The following EPHA5 variants were observed in gnomAD, a reference collection of about 807,000 sequenced individuals.
The protein encoded by EPHA5 is EPH receptor A5, also known as ephrin type-A receptor 5.
A neutral mutation model predicts 105.0 loss-of-function variants in EPHA5; 60 were observed. The ratio of observed to expected loss-of-function variants is 0.57; its 90% CI spans 0.46 to 0.71. EPHA5 has a LOEUF of 0.71. Ranked by LOEUF, EPHA5 falls within the 30% of genes least tolerant of loss-of-function variation. The pLI is 0.00. For missense variants in EPHA5, 1,218 were observed against 1,274.7 expected, an observed-to-expected ratio of 0.96 and a Z score of 0.68; for synonymous variants, 513 against 449.1, an observed-to-expected ratio of 1.14 and a Z score of -1.80.
At chr4:65,625,253 C>T (rs574743325) in intron 2 of EPHA5, among the ~76,000 whole-genome samples, 54 of 151,614 alleles carry the variant, frequency 3.6e-4, no homozygotes, top group Non-Finnish European at 6.8e-4. Flanking sequence ...GAAGAGAACG[C>T]CAAGTGAAAA....
chr4:65,604,195 A>T lies in EPHA5; in HGVS notation c.247-1891T>A, dbSNP rs1015764669. On this transcript the variant is annotated intron_variant, in intron 2 of 16. Transcript: ENST00000613740. The stretch of plus-strand genomic sequence containing the variant: ...AAGTAAAAGCAAGCAGAATAACAGG[A>T]TCTTTCAAGATTATAAGCCAAGCAA... Among the ~76,000 whole-genome samples, 26 of 107,148 alleles carry T rather than the reference A, an allele frequency of 2.4e-4. No homozygotes were observed. The East Asian group carries it at 5.8e-3, about 24-fold the overall frequency. 70.3% of individuals were successfully genotyped at this position (107,148 alleles called of 152,430 possible). A position where few individuals can be genotyped will look rare whatever the true frequency, so the allele number is the denominator to read the frequency against.
chr4:65,617,287 T>A (rs1268657134), intron 2 of EPHA5, among the ~76,000 whole-genome samples: 1 of 152,072 alleles, frequency 6.6e-6, no homozygotes, highest in Non-Finnish European at 1.5e-5. Context: ...TATCCCCCAA[T>A]GGATTCATTC....
At chr4:65,393,237 C>T (rs1217828891) in intron 8 of EPHA5, among the ~76,000 whole-genome samples, 3 of 152,122 alleles carry the variant, frequency 2.0e-5, no homozygotes, top group Non-Finnish European at 4.4e-5. Context: ...ATGAAACTGA[C>T]CCTATTTTCA....
intron 5 of EPHA5, among the ~76,000 whole-genome samples, chr4:65,460,195 T>C (rs1727991583): frequency 1.3e-5 from 2 of 151,406 alleles, no homozygotes; most frequent in Non-Finnish European, 3.0e-5. Context: ...TATAGGAAAT[T>C]TAAATATATA....
intron 2 of EPHA5, among the ~76,000 whole-genome samples, chr4:65,608,111 G>A (rs1315054464): frequency 6.6e-6 from 1 of 152,148 alleles, no homozygotes; most frequent in Non-Finnish European, 1.5e-5. Context: ...ATGATGGGTT[G>A]ATGGGTGCAG....
intron 5 of EPHA5, among the ~76,000 whole-genome samples, chr4:65,486,887 G>A (rs1467661598): frequency 1.3e-5 from 2 of 152,200 alleles, no homozygotes; most frequent in African/African-American, 2.4e-5. Context: ...CTCCTGGGAG[G>A]TGACTGGATC....
chr4:65,473,963 T>A (rs1729539494), intron 5 of EPHA5, among the ~76,000 whole-genome samples: 1 of 146,554 alleles, frequency 6.8e-6, no homozygotes, highest in African/African-American at 2.5e-5. Context: ...GTATAAGAAA[T>A]GAATTCTTTT....
At chr4:65,571,154 AAGGAAGAAAC>A (rs1157007685) in intron 3 of EPHA5, among the ~76,000 whole-genome samples, 7 of 152,054 alleles carry the variant, frequency 4.6e-5, no homozygotes. Context: ...AGAAAATGAT[AAGGAAGAAAC>A]AGAAAGAAAT....
intron 3 of EPHA5, among the ~76,000 whole-genome samples, chr4:65,528,520 T>A (rs1416086818): frequency 6.6e-6 from 1 of 152,130 alleles, no homozygotes; most frequent in Non-Finnish European, 1.5e-5. Context: ...GAATTCAATG[T>A]GTACAGGCAC....
chr4:65,635,158 CAAA>C (rs376689852), intron 2 of EPHA5, among the ~76,000 whole-genome samples: 360 of 151,812 alleles, frequency 2.4e-3, no homozygotes, highest in African/African-American at 8.3e-3. Flanking sequence ...TTCTCAGTCT[CAAA>C]GAAATAACAG....
chr4:65,600,972 A>T (rs1463990036), intron 3 of EPHA5, among the ~76,000 whole-genome samples: 1 of 150,948 alleles, frequency 6.6e-6, no homozygotes, highest in Non-Finnish European at 1.5e-5. Flanking sequence ...AGAAAAAAAA[A>T]TCCCCCAGGG....
intron 3 of EPHA5, among the ~76,000 whole-genome samples, chr4:65,578,176 G>A (rs1179541358): frequency 2.0e-5 from 3 of 151,872 alleles, no homozygotes; most frequent in Non-Finnish European, 2.9e-5. Flanking sequence ...ATTATTTTCC[G>A]AGTTTCTCAT....
At chr4:65,422,772 T>C (rs916169046) in intron 5 of EPHA5, among the ~76,000 whole-genome samples, 11 of 152,066 alleles carry the variant, frequency 7.2e-5, no homozygotes, top group Non-Finnish European at 1.2e-4. Context: ...CTGATTGCCT[T>C]GTCTGTTTCA....
At chr4:65,562,885 G>T (rs774616201) in intron 3 of EPHA5, among the ~76,000 whole-genome samples, 1 of 151,944 alleles carries the variant, frequency 6.6e-6, no homozygotes, top group Non-Finnish European at 1.5e-5. Flanking sequence ...ACTGAGGCGG[G>T]AGGATTGCTA....
chr4:65,360,901 C>T (rs750287083), intron 11 of EPHA5, among the ~76,000 whole-genome samples: 7 of 151,446 alleles, frequency 4.6e-5, no homozygotes, highest in South Asian at 2.1e-4. Flanking sequence ...CTAGTTTCAA[C>T]GAGCTCATTG....
At chr4:65,576,727 G>C (rs1741094415) in intron 3 of EPHA5, among the ~76,000 whole-genome samples, 1 of 152,168 alleles carries the variant, frequency 6.6e-6, no homozygotes, top group African/African-American at 2.4e-5. Context: ...CACAGACTTT[G>C]TCATATTTTC....
intron 3 of EPHA5, among the ~76,000 whole-genome samples, chr4:65,561,773 T>C (rs1275257731): frequency 1.3e-5 from 2 of 152,110 alleles, no homozygotes; most frequent in South Asian, 2.1e-4. Flanking sequence ...TAGGGTGGAA[T>C]GAACCACAAG....
At chr4:65,631,438 A>G (rs924711961) in intron 2 of EPHA5, among the ~76,000 whole-genome samples, 2 of 152,300 alleles carry the variant, frequency 1.3e-5, no homozygotes, top group Middle Eastern at 3.4e-3. Context: ...TAACTAAAAT[A>G]TAGTTCAAAC....
chr4:65,477,935 A>C (rs1729987976), intron 5 of EPHA5, among the ~76,000 whole-genome samples: 2 of 152,164 alleles, frequency 1.3e-5, no homozygotes, highest in African/African-American at 4.8e-5. Context: ...AAATGAGGTG[A>C]GTCTCTGGCA....
Sources: gnomAD v4.1 joint callset for allele counts (sites outside exome capture counted in the v4.1 genomes callset) on GRCh38, gnomAD v4.1.1 for gene constraint, MANE v1.5 for transcripts, NCBI Gene and HGNC (gene_info 2026-07-23, HGNC 2026-07-21) for gene names.